Variants in DPP10 observed in about 807,000 individuals in gnomAD.
DPP10 encodes dipeptidyl peptidase like 10.
In DPP10, 33 loss-of-function variants were observed where a neutral mutation model predicts 120.9. The observed-to-expected ratio is 0.27, with a 90% CI of 0.21 to 0.37. DPP10 has a LOEUF of 0.37. Ranked by LOEUF, DPP10 falls within the 10% of genes least tolerant of loss-of-function variation. The pLI is 1.00. For missense variants in DPP10, 816 were observed against 942.8 expected (o/e 0.87, Z 1.76); for synonymous variants, 337 against 326.1 (o/e 1.03, Z -0.36).
At chr2:115,461,696 A>G (rs1431250054) in intron 3 of DPP10, among the ~76,000 whole-genome samples, 1 of 152,210 alleles carries the variant, frequency 6.6e-6, no homozygotes, top group African/African-American at 2.4e-5. Flanking sequence ...GAAAATAAAT[A>G]AAAATGGTTT....
At chr2:115,262,502 TC>T (rs1251283645) in intron 1 of DPP10, among the ~76,000 whole-genome samples, 2 of 152,116 alleles carry the variant, frequency 1.3e-5, no homozygotes, top group Non-Finnish European at 2.9e-5. Flanking sequence ...TACATAGAAA[TC>T]TAAAGCAAAT....
chr2:114,628,256 G>A (rs939323778), intron 1 of DPP10, among the ~76,000 whole-genome samples: 6 of 152,036 alleles, frequency 3.9e-5, no homozygotes, highest in Admixed American at 1.3e-4. Flanking sequence ...GGTTTTGGAC[G>A]TTTTATGCTT....
chr2:114,447,142 A>C (rs1573373089), intron 1 of DPP10, among the ~76,000 whole-genome samples: 1 of 149,784 alleles, frequency 6.7e-6, no homozygotes, highest in South Asian at 2.1e-4. Context: ...GACTACAGGC[A>C]CCTGCCACCA....
Position 115,442,848 on chromosome 2 carries a change from C to T in DPP10, c.272-56662C>T, listed in dbSNP as rs1020434990. 4.3e-4 allele frequency among the ~76,000 whole-genome samples: 65 copies of T among 152,182 alleles called. 1 individual carries two copies. The highest frequency in any genetic ancestry group is 1.5e-3 in the African/African-American group (63 of 41,512). Reference sequence around the variant, plus strand: ...TTGCCGGAATAATTAATATTTTGTCCGTCATCTATCTAAGATGAGTTGTCT... The same window carrying T: ...TTGCCGGAATAATTAATATTTTGTCTGTCATCTATCTAAGATGAGTTGTCT... On this transcript the variant is annotated intron_variant, in intron 3 of 25. Transcript: ENST00000410059.
intron 3 of DPP10, among the ~76,000 whole-genome samples, chr2:115,436,668 G>A (rs2071524249): frequency 6.6e-6 from 1 of 151,762 alleles, no homozygotes; most frequent in Admixed American, 6.6e-5. Flanking sequence ...ACAGAGAATA[G>A]GGTGGGTATT....
At chr2:115,564,044 ATCTC>A (rs890695003) in intron 5 of DPP10, among the ~76,000 whole-genome samples, 6 of 152,064 alleles carry the variant, frequency 3.9e-5, no homozygotes, top group Admixed American at 2.6e-4. Flanking sequence ...CTCTTTTTGA[ATCTC>A]TCTCTCTGTG....
chr2:115,224,413 A>G (rs1335960076), intron 1 of DPP10, among the ~76,000 whole-genome samples: 1 of 152,174 alleles, frequency 6.6e-6, no homozygotes, highest in Admixed American at 6.6e-5. Flanking sequence ...GTTGAATCAG[A>G]AAAAGGAATA....
chr2:115,373,766 GT>G (rs988521046), intron 3 of DPP10, among the ~76,000 whole-genome samples: 3 of 151,618 alleles, frequency 2.0e-5, no homozygotes, highest in African/African-American at 7.3e-5. Flanking sequence ...AAGAAAAGAG[GT>G]TTCATTGACT....
chr2:114,644,349 T>C (rs1425340773), intron 1 of DPP10, among the ~76,000 whole-genome samples: 1 of 151,474 alleles, frequency 6.6e-6, no homozygotes, highest in African/African-American at 2.4e-5. Context: ...TGTCTGTGTG[T>C]GTGTGTGTGT....
intron 1 of DPP10, among the ~76,000 whole-genome samples, chr2:114,477,793 A>G (rs1197107647): frequency 6.6e-6 from 1 of 151,192 alleles, no homozygotes; most frequent in Non-Finnish European, 1.5e-5. Context: ...GTATATATGT[A>G]TATGCACATA....
At position 114,663,618 on chromosome 2, in the gene DPP10, T is replaced by C. The variant is rs1334705578; in HGVS notation, c.60+220780T>C. 2.7e-5 allele frequency among the ~76,000 whole-genome samples: 4 copies of C among 146,424 alleles called. No individual in the cohort carries two copies. The East Asian group carries it at 7.9e-4, about 29-fold the overall frequency. ...GTGTATGTACATATGTATATACATA[T>C]ATGTCTATATATACATGTACAGATA... On this transcript the variant is annotated intron_variant, in intron 1 of 25. Transcript: ENST00000410059.
intron 3 of DPP10, among the ~76,000 whole-genome samples, chr2:115,426,036 C>A: frequency 6.6e-6 from 1 of 151,684 alleles, no homozygotes; most frequent in Non-Finnish European, 1.5e-5. Flanking sequence ...CCAGGTGCCA[C>A]CTCCGACACT....
At chr2:114,455,073 A>G (rs1573386586) in intron 1 of DPP10, among the ~76,000 whole-genome samples, 1 of 152,032 alleles carries the variant, frequency 6.6e-6, no homozygotes, top group Non-Finnish European at 1.5e-5. Flanking sequence ...ATATAATCAC[A>G]TGGCTTTTAT....
At chr2:115,543,302 A>G (rs1261856182) in intron 5 of DPP10, among the ~76,000 whole-genome samples, 1 of 152,022 alleles carries the variant, frequency 6.6e-6, no homozygotes, top group Non-Finnish European at 1.5e-5. Flanking sequence ...CTATCAAAGA[A>G]TAAAAAGGGT....
intron 1 of DPP10, among the ~76,000 whole-genome samples, chr2:114,670,909 T>A (rs529094846): frequency 6.6e-6 from 1 of 152,298 alleles, no homozygotes; most frequent in South Asian, 2.1e-4. Flanking sequence ...GTGATTATAA[T>A]AATTATCACA....
intron 15 of DPP10, among the ~76,000 whole-genome samples, chr2:115,779,754 A>G (rs970493071): frequency 1.3e-5 from 2 of 152,086 alleles, no homozygotes; most frequent in Admixed American, 6.6e-5. Context: ...GACAAATGTT[A>G]TGTTATACAG....
intron 2 of DPP10, among the ~76,000 whole-genome samples, chr2:115,317,590 G>A (rs1439499235): frequency 6.6e-6 from 1 of 150,552 alleles, no homozygotes; most frequent in Admixed American, 6.6e-5. Flanking sequence ...AAATATTCAT[G>A]TGTTCCAGTT....
intron 1 of DPP10, among the ~76,000 whole-genome samples, chr2:115,286,526 A>ATATATTACATATATAATATATATAT (rs10675008): frequency 1.6e-5 from 1 of 60,946 alleles, no homozygotes; most frequent in African/African-American, 5.4e-5. Context: ...ATATATATAT[A>ATATATTACATATATAATATATATAT]ATATATATAT....
chr2:115,625,217 A>G (rs2085266206), intron 5 of DPP10, among the ~76,000 whole-genome samples: 1 of 152,142 alleles, frequency 6.6e-6, no homozygotes, highest in South Asian at 2.1e-4. Flanking sequence ...TTTTTTTTGA[A>G]GAAATGTGAG....
Sources: gnomAD v4.1 joint callset for allele counts (sites outside exome capture counted in the v4.1 genomes callset) on GRCh38, gnomAD v4.1.1 for gene constraint, MANE v1.5 for transcripts, NCBI Gene and HGNC (gene_info 2026-07-23, HGNC 2026-07-21) for gene names.